KLF12: variants seen among roughly 807,000 people sequenced by gnomAD.
KLF12 encodes Krueppel-like factor 12.
A neutral mutation model predicts 37.8 loss-of-function variants in KLF12; 9 were observed. The ratio of observed to expected loss-of-function variants is 0.24; its 90% CI spans 0.14 to 0.42. KLF12 has a LOEUF of 0.42. KLF12 is among the 10% of genes least tolerant of loss of function. KLF12 has a pLI of 1.00. For missense variants in KLF12, 411 were observed against 516.0 expected, an observed-to-expected ratio of 0.80 and a Z score of 1.97; for synonymous variants, 208 against 202.1, an observed-to-expected ratio of 1.03 and a Z score of -0.25.
chr13:74,195,596 T>TTTTG, the KLF12 span, among the ~76,000 whole-genome samples: 9 of 152,098 alleles, frequency 5.9e-5, no homozygotes, highest in African/African-American at 2.2e-4. Context: ...AATTAAGGTT[T>TTTTG]TTTGTTTGTT....
At chr13:73,856,786 C>T (rs1170289621) in intron 3 of KLF12, among the ~76,000 whole-genome samples, 3 of 151,936 alleles carry the variant, frequency 2.0e-5, no homozygotes, top group Non-Finnish European at 4.4e-5. Context: ...CTCAGGAGTT[C>T]GAGACCAGCC....
chr13:74,135,503 C>T (rs1452721334), upstream of KLF12, among the ~76,000 whole-genome samples: 5 of 151,506 alleles, frequency 3.3e-5, no homozygotes, highest in African/African-American at 9.7e-5. Flanking sequence ...GGCCGGGCGG[C>T]CCTGCAGTTC....
chr13:74,142,531 A>G, the KLF12 span, among the ~76,000 whole-genome samples: 18 of 152,308 alleles, frequency 1.2e-4, no homozygotes, highest in East Asian at 3.5e-3. Flanking sequence ...ACAACTAATG[A>G]GGTCTTCCAT....
chr13:74,202,985 A>G, the KLF12 span, among the ~76,000 whole-genome samples: 2 of 152,162 alleles, frequency 1.3e-5, no homozygotes, highest in Non-Finnish European at 2.9e-5. Flanking sequence ...GGAGGAAGGT[A>G]TTTGACTTAA....
At chr13:74,189,202 G>A in the KLF12 span, among the ~76,000 whole-genome samples, 3 of 152,080 alleles carry the variant, frequency 2.0e-5, no homozygotes, top group Non-Finnish European at 2.9e-5. Flanking sequence ...TGGAAAAAAT[G>A]TTTGCTAACC....
chr13:73,903,184 A>AT (rs1340114546), intron 3 of KLF12, among the ~76,000 whole-genome samples: 1 of 152,206 alleles, frequency 6.6e-6, no homozygotes, highest in African/African-American at 2.4e-5. Flanking sequence ...TGATACATTA[A>AT]TTTTTTAAGC....
At chr13:73,811,262 G>A (rs1032909927) in intron 5 of KLF12, among the ~76,000 whole-genome samples, 1 of 151,848 alleles carries the variant, frequency 6.6e-6, no homozygotes. Context: ...AGGATTACAG[G>A]CGTGCAAACA....
intron 1 of KLF12, among the ~76,000 whole-genome samples, chr13:74,062,282 C>G (rs1392569448): frequency 2.6e-5 from 4 of 152,184 alleles, no homozygotes; most frequent in Non-Finnish European, 4.4e-5. Context: ...TTCTTACACT[C>G]AAAACTTAGT....
At chr13:74,295,024 G>A in the KLF12 span, among the ~76,000 whole-genome samples, 2 of 152,142 alleles carry the variant, frequency 1.3e-5, no homozygotes, top group African/African-American at 4.8e-5. Flanking sequence ...AAATTGGGCT[G>A]GAATACAAAC....
At chr13:73,831,478 C>T (rs1446383360) in intron 4 of KLF12, among the ~76,000 whole-genome samples, 1 of 152,064 alleles carries the variant, frequency 6.6e-6, no homozygotes, top group Non-Finnish European at 1.5e-5. Context: ...ACATACTTTG[C>T]TACCTTTTTC....
At chr13:73,973,786 C>T (rs931943122) in intron 2 of KLF12, among the ~76,000 whole-genome samples, 1 of 152,070 alleles carries the variant, frequency 6.6e-6, no homozygotes, top group Non-Finnish European at 1.5e-5. Flanking sequence ...GAGGAAAAAG[C>T]ACTCACTCCT....
chr13:74,068,852 C>T (rs1386055125), intron 1 of KLF12, among the ~76,000 whole-genome samples: 2 of 152,098 alleles, frequency 1.3e-5, no homozygotes, highest in East Asian at 1.9e-4. Flanking sequence ...CCACTGCACC[C>T]GGCCTATTTG....
the KLF12 span, among the ~76,000 whole-genome samples, chr13:74,285,662 C>T: frequency 6.6e-6 from 1 of 152,172 alleles, no homozygotes; most frequent in Admixed American, 6.5e-5. Flanking sequence ...GAAATGCAAG[C>T]AGAGTACCTG....
chr13:73,825,671 G>T (rs1270381033), intron 4 of KLF12, among the ~76,000 whole-genome samples: 1 of 152,066 alleles, frequency 6.6e-6, no homozygotes, highest in Non-Finnish European at 1.5e-5. Context: ...AAATAGAAAG[G>T]TTGGATACTG....
intron 5 of KLF12, among the ~76,000 whole-genome samples, chr13:73,798,799 T>C (rs1255088177): frequency 6.6e-6 from 1 of 152,172 alleles, no homozygotes; most frequent in African/African-American, 2.4e-5. Context: ...GGAACGTTTT[T>C]TGCACTGTTG....
At chr13:73,752,745 ACACAGAGTCTTGCTCTGT>A (rs377725723) in intron 6 of KLF12, among the ~76,000 whole-genome samples, 49,614 of 126,702 alleles carry the variant, frequency 0.39, 9,395 homozygotes, top group African/African-American at 0.54. Flanking sequence ...TTTTTTTTTG[ACACAGAGTCTTGCTCTGT>A]CACCCAGGTG....
intron 1 of KLF12, among the ~76,000 whole-genome samples, chr13:74,083,823 T>C (rs1438682477): frequency 3.9e-5 from 6 of 152,202 alleles, no homozygotes; most frequent in South Asian, 2.1e-4. Context: ...AAAAAGTCTC[T>C]TAGGGTACAG....
intron 6 of KLF12, among the ~76,000 whole-genome samples, chr13:73,752,665 A>T (rs1232766563): frequency 6.6e-6 from 1 of 151,072 alleles, no homozygotes; most frequent in African/African-American, 2.4e-5. Flanking sequence ...CGTGGCTAGC[A>T]TGTCTTTCTC....
chr13:74,022,053 A>G (rs777953072), intron 1 of KLF12, among the ~76,000 whole-genome samples: 2 of 152,210 alleles, frequency 1.3e-5, no homozygotes, highest in Non-Finnish European at 2.9e-5. Flanking sequence ...TCTACATGCA[A>G]AAGACCTGCT....
Sources: allele counts gnomAD v4.1 joint callset (sites outside exome capture counted in the v4.1 genomes callset), GRCh38; gene constraint gnomAD v4.1.1; transcripts MANE v1.5; gene names NCBI Gene and HGNC (gene_info 2026-07-23, HGNC 2026-07-21).